The following TRPM4 variants were observed in gnomAD, a reference collection of about 807,000 sequenced individuals.
TRPM4 encodes calcium-activated non-selective cation channel 1.
In TRPM4, 124 loss-of-function variants were observed where a neutral mutation model predicts 135.6. The ratio of observed to expected loss-of-function variants is 0.91; its 90% CI spans 0.79 to 1.06. The LOEUF (loss-of-function observed/expected upper bound fraction) is 1.06, where lower values mean the gene tolerates loss of function less well. Among genes scored for constraint, TRPM4 ranks in the 50% least tolerant of loss-of-function variants. The probability of loss-of-function intolerance (pLI) is 0.00; values close to 1 mark genes in which losing one functional copy is unlikely to be tolerated. For missense variants in TRPM4, 1,658 were observed against 1,671.4 expected, an observed-to-expected ratio of 0.99 and a Z score of 0.14; for synonymous variants, 745 against 705.6, an observed-to-expected ratio of 1.06 and a Z score of -0.88.
In TRPM4 at chr19:49,202,148, C is replaced by G. The variant is rs747426396; in HGVS notation, c.3131+7C>G. ...TGCTCATTGCCATGTTCAGGTGAGGCCTGACTGCTCTCTGATCTGACCCCA... is the reference window on the plus strand; with the variant it reads ...TGCTCATTGCCATGTTCAGGTGAGGGCTGACTGCTCTCTGATCTGACCCCA... On this transcript the variant is annotated splice_region_variant and intron_variant, in intron 20 of 24. Coordinates refer to ENST00000252826, the MANE Select transcript of TRPM4 (RefSeq NM_017636.4). The G allele has an allele frequency of 6.2e-7, 1 of 1,613,938 alleles. No individual in the cohort carries two copies. The highest frequency in any genetic ancestry group is 8.5e-7 in the Non-Finnish European group (1 of 1,180,010).
intron 2 of TRPM4, chr19:49,158,957 G>A (rs558282578): frequency 1.3e-5 from 2 of 152,064 alleles, no homozygotes; most frequent in African/African-American, 4.8e-5. Flanking sequence ...AGCTAGATAG[G>A]GTGTGTGCGT....
At chr19:49,175,695 C>T (rs1967660888) in intron 9 of TRPM4, among the ~76,000 whole-genome samples, 1 of 145,488 alleles carries the variant, frequency 6.9e-6, no homozygotes, top group South Asian at 2.2e-4. Flanking sequence ...GAGTCTCGCT[C>T]TGTCGCCCAG....
intron 9 of TRPM4, among the ~76,000 whole-genome samples, chr19:49,181,055 C>T (rs1967901565): frequency 6.6e-6 from 1 of 152,042 alleles, no homozygotes; most frequent in Admixed American, 6.6e-5. Context: ...TGATTTCTCT[C>T]TCCATCCCTC....
intron 20 of TRPM4, among the ~76,000 whole-genome samples, chr19:49,209,459 T>C (rs73048902): frequency 0.015 from 2,215 of 152,282 alleles, 27 homozygotes; most frequent in Middle Eastern, 0.031. Context: ...TACTGAGATT[T>C]TCTGTTTTTT....
At chr19:49,198,372 C>A (rs1231040133) in intron 17 of TRPM4, among the ~76,000 whole-genome samples, 1 of 152,068 alleles carries the variant, frequency 6.6e-6, no homozygotes, top group Non-Finnish European at 1.5e-5. Flanking sequence ...ACGGGCCTGG[C>A]GTGGTGGCTC....
chr19:49,190,182 A>G, intron 14 of TRPM4, 26 bp from the exon 15 acceptor site: 2 of 1,597,306 alleles, frequency 1.3e-6, no homozygotes, highest in Non-Finnish European at 1.7e-6. Flanking sequence ...GGAGATTTGG[A>G]TCCTAATCCT....
chr19:49,179,913 A>G (rs960981444), intron 9 of TRPM4, among the ~76,000 whole-genome samples: 2 of 152,132 alleles, frequency 1.3e-5, no homozygotes, highest in Admixed American at 1.3e-4. Flanking sequence ...AGTTACTGTA[A>G]TTGATTACAG....
intron 20 of TRPM4, among the ~76,000 whole-genome samples, chr19:49,203,455 T>A (rs1204173608): frequency 1.3e-4 from 20 of 152,142 alleles, no homozygotes; most frequent in Admixed American, 1.3e-4. Context: ...CTGGGATTAC[T>A]GACATGAGCC....
At chr19:49,208,908 G>A (rs922830621) in intron 20 of TRPM4, among the ~76,000 whole-genome samples, 2 of 149,662 alleles carry the variant, frequency 1.3e-5, no homozygotes, top group Admixed American at 6.7e-5. Context: ...GCAGTGAGCC[G>A]AGATTGTGCC....
intron 17 of TRPM4, among the ~76,000 whole-genome samples, chr19:49,197,554 C>T (rs1418263549): frequency 6.7e-6 from 1 of 148,512 alleles, no homozygotes; most frequent in East Asian, 2.1e-4. Context: ...GGGTTTAACC[C>T]TTGCCCTGCC....
chr19:49,168,637 T>C lies in TRPM4; in HGVS notation c.697T>C (p.Phe233Leu), dbSNP rs770448797. Residue 233 changes from phenylalanine to leucine, a missense_variant, in exon 6 of 25, where the codon TTC becomes CTC. This residue lies in a region of TRPM4 where 1,412 missense variants were observed against 1,408.7 expected (regional missense o/e 1.00). Transcript: ENST00000252826. ...FPLDYNYSAF[F>L]LVDDGTHGCL... is the part of the protein sequence containing the mutation. ...CCTGGACTACAACTACTCGGCCTTC[T>C]TCCTGGTGGACGACGGCACACACGG... is the stretch of plus-strand genomic sequence containing the variant. 1.9e-6 allele frequency: 3 copies of C among 1,613,642 alleles called. No individual in the cohort carries two copies. The highest frequency in any genetic ancestry group is 1.3e-5 in the African/African-American group (1 of 75,024).
At position 49,211,005 on chromosome 19, in the gene TRPM4, C is replaced by CCCT; in HGVS notation, c.3462-9_3462-7dup. ...GCGGGTGCCCCCGGTAAGAGGCCCT[C>CCCT]CCTTCTCAGGGTGGACTTGGCACTG... On this transcript the variant is annotated splice_polypyrimidine_tract_variant and intron_variant, in intron 22 of 24. Coordinates refer to ENST00000252826, the MANE Select transcript of TRPM4 (RefSeq NM_017636.4). This position sits in a 1 kb window ranked among gnomAD's most constrained non-coding sequence, Gnocchi z 4.8. 6.2e-7 allele frequency: 1 copy of CCCT among 1,613,736 alleles called. No homozygotes were observed. Among genetic ancestry groups the CCCT allele is most frequent in the Non-Finnish European group, 8.5e-7 (1 of 1,179,882 alleles).
chr19:49,206,544 A>T (rs947957508), intron 20 of TRPM4, among the ~76,000 whole-genome samples: 1 of 150,232 alleles, frequency 6.7e-6, no homozygotes, highest in Non-Finnish European at 1.5e-5. Flanking sequence ...GGCTCAAGCG[A>T]TTCTCCTGCC....
At chr19:49,207,854 G>T (rs1389936007) in intron 20 of TRPM4, among the ~76,000 whole-genome samples, 1 of 151,982 alleles carries the variant, frequency 6.6e-6, no homozygotes. Flanking sequence ...AGAGATCAAA[G>T]AAAAGACAGC....
intron 16 of TRPM4, among the ~76,000 whole-genome samples, chr19:49,193,610 C>A (rs978105464): frequency 1.4e-4 from 21 of 152,102 alleles, no homozygotes; most frequent in African/African-American, 4.8e-4. Context: ...CAAGATCCCC[C>A]CAGAGAGGCT....
At chr19:49,195,701 T>TC (rs1968606965) in intron 16 of TRPM4, among the ~76,000 whole-genome samples, 1 of 149,782 alleles carries the variant, frequency 6.7e-6, no homozygotes, top group African/African-American at 2.5e-5. Flanking sequence ...TTTTTTTTTT[T>TC]TAGACAGGGT....
intron 16 of TRPM4, among the ~76,000 whole-genome samples, chr19:49,191,308 A>G (rs1175797): frequency 0.013 from 1,968 of 150,716 alleles, 41 homozygotes; most frequent in African/African-American, 0.045. Flanking sequence ...TGGGTTCCTG[A>G]TCAGCCTGCC....
chr19:49,197,314 TTCTTTC>T (rs1490920476), intron 17 of TRPM4, among the ~76,000 whole-genome samples: 3 of 79,264 alleles, frequency 3.8e-5, no homozygotes, highest in East Asian at 3.6e-4. Flanking sequence ...TTCTTTTTCT[TTCTTTC>T]TTTCTTTCTT....
intron 12 of TRPM4, among the ~76,000 whole-genome samples, chr19:49,183,913 A>G (rs963300957): frequency 7.9e-5 from 12 of 151,440 alleles, no homozygotes; most frequent in Non-Finnish European, 1.5e-5. Context: ...AGCTGGGACT[A>G]CAGGCGCCCG....
Sources: gnomAD v4.1 joint callset for allele counts (sites outside exome capture counted in the v4.1 genomes callset) on GRCh38, gnomAD v4.1.1 for gene constraint, gnomAD v4.1.1 regional missense constraint, Gnocchi (gnomAD v3.1) non-coding constraint, MANE v1.5 for transcripts, NCBI Gene and HGNC (gene_info 2026-07-23, HGNC 2026-07-21) for gene names.